The following NYAP2 variants were observed in gnomAD, a reference collection of about 807,000 sequenced individuals.
NYAP2 encodes the protein neuronal tyrosine-phosphorylated phosphoinositide-3-kinase adapter 2.
A neutral mutation model predicts 50.4 loss-of-function variants in NYAP2; 23 were observed. That is an observed-to-expected ratio of 0.46 (90% CI 0.33 to 0.65). The LOEUF (loss-of-function observed/expected upper bound fraction) is 0.65. Among genes scored for constraint, NYAP2 ranks in the 30% least tolerant of loss-of-function variants. NYAP2 has a pLI of 0.02. For synonymous variants in NYAP2, 394 were observed against 365.2 expected, an observed-to-expected ratio of 1.08 and a Z score of -0.90; for missense variants, 885 against 861.0, an observed-to-expected ratio of 1.03 and a Z score of -0.35.
chr2:225,501,256 C>T (rs1690601581), intron 3 of NYAP2, among the ~76,000 whole-genome samples: 1 of 152,182 alleles, frequency 6.6e-6, no homozygotes, highest in African/African-American at 2.4e-5. Flanking sequence ...AGCATACAAT[C>T]TAGTCTCCAG....
At chr2:225,686,679 T>C in the NYAP2 span, among the ~76,000 whole-genome samples, 1 of 152,248 alleles carries the variant, frequency 6.6e-6, no homozygotes, top group Middle Eastern at 3.4e-3. Flanking sequence ...GTGGGCAATG[T>C]ATTTTCAGTA....
chr2:225,686,981 C>G, the NYAP2 span, among the ~76,000 whole-genome samples: 1 of 152,266 alleles, frequency 6.6e-6, no homozygotes, highest in East Asian at 1.9e-4. Context: ...CTTCCCATGT[C>G]ATGGGCTATA....
intron 3 of NYAP2, among the ~76,000 whole-genome samples, chr2:225,490,183 G>T (rs1441076695): frequency 6.6e-6 from 1 of 152,106 alleles, no homozygotes; most frequent in Non-Finnish European, 1.5e-5. Context: ...AGAGCACTTT[G>T]GAAAGCACTG....
At chr2:225,423,086 T>C (rs1054877905) in intron 3 of NYAP2, among the ~76,000 whole-genome samples, 1 of 152,198 alleles carries the variant, frequency 6.6e-6, no homozygotes, top group East Asian at 1.9e-4. Context: ...AAGTATTCTA[T>C]CACTTCTTAC....
At chr2:225,564,685 T>TAAA (rs5839113) in intron 4 of NYAP2, among the ~76,000 whole-genome samples, 15 of 144,640 alleles carry the variant, frequency 1.0e-4, no homozygotes, top group African/African-American at 3.8e-4. Flanking sequence ...TGCATAAATA[T>TAAA]AAAAAAAAAA....
At chr2:225,686,003 T>C in the NYAP2 span, among the ~76,000 whole-genome samples, 1 of 152,152 alleles carries the variant, frequency 6.6e-6, no homozygotes, top group Admixed American at 6.5e-5. Flanking sequence ...TATTTTCTTG[T>C]AGTTTTACCC....
At chr2:225,545,075 G>A (rs1027775149) in intron 4 of NYAP2, among the ~76,000 whole-genome samples, 4 of 152,010 alleles carry the variant, frequency 2.6e-5, no homozygotes, top group Admixed American at 6.6e-5. Flanking sequence ...GAGCTTCATC[G>A]TATGTTATCT....
intron 4 of NYAP2, among the ~76,000 whole-genome samples, chr2:225,564,963 C>A (rs1300768103): frequency 6.6e-6 from 1 of 151,960 alleles, no homozygotes; most frequent in African/African-American, 2.4e-5. Flanking sequence ...AACCCCATCT[C>A]TACTAAAAAT....
chr2:225,490,479 T>G (rs1352518737), intron 3 of NYAP2, among the ~76,000 whole-genome samples: 1 of 152,208 alleles, frequency 6.6e-6, no homozygotes, highest in African/African-American at 2.4e-5. Flanking sequence ...TGAGAAAGAC[T>G]GGGGATTTTC....
At chr2:225,668,855 T>C in the NYAP2 span, among the ~76,000 whole-genome samples, 4 of 151,952 alleles carry the variant, frequency 2.6e-5, no homozygotes, top group Non-Finnish European at 5.9e-5. Flanking sequence ...CTCCATTCAT[T>C]TGGGCTAGAA....
At chr2:225,608,004 C>G (rs976840786) in intron 5 of NYAP2, among the ~76,000 whole-genome samples, 4 of 152,030 alleles carry the variant, frequency 2.6e-5, no homozygotes, top group African/African-American at 9.7e-5. Context: ...ATAACCTTGT[C>G]TGGTATTTCT....
intron 4 of NYAP2, among the ~76,000 whole-genome samples, chr2:225,539,726 C>A (rs532525806): frequency 1.3e-5 from 2 of 151,324 alleles, no homozygotes; most frequent in African/African-American, 4.9e-5. Context: ...TTGTGAAGTT[C>A]TTTGTAGATT....
intron 4 of NYAP2, among the ~76,000 whole-genome samples, chr2:225,522,606 G>A (rs1052590412): frequency 6.6e-6 from 1 of 152,098 alleles, no homozygotes; most frequent in Non-Finnish European, 1.5e-5. Context: ...CATTTCTCAT[G>A]CCTCCATTTA....
At chr2:225,627,095 C>T in exon 6 of NYAP2, 1 of 1,592,990 alleles carries the variant, frequency 6.3e-7, no homozygotes, top group South Asian at 1.1e-5. Flanking sequence ...GCTCTGTGAG[C>T]CCCACCTTGT....
intron 3 of NYAP2, among the ~76,000 whole-genome samples, chr2:225,457,146 G>C (rs531487807): frequency 6.6e-6 from 1 of 152,160 alleles, no homozygotes; most frequent in Non-Finnish European, 1.5e-5. Context: ...CTGGTCCTAC[G>C]CTATGCGGAG....
At chr2:225,426,411 G>A (rs1012123121) in intron 3 of NYAP2, among the ~76,000 whole-genome samples, 1 of 152,124 alleles carries the variant, frequency 6.6e-6, no homozygotes, top group Non-Finnish European at 1.5e-5. Flanking sequence ...AAGTCAGTGT[G>A]AACTCTTATC....
intron 3 of NYAP2, among the ~76,000 whole-genome samples, chr2:225,482,195 C>T (rs189488062): frequency 2.1e-4 from 32 of 152,222 alleles, no homozygotes; most frequent in Non-Finnish European, 1.3e-4. Context: ...TGCGATTTTA[C>T]AGAAAGCTCC....
the NYAP2 span, among the ~76,000 whole-genome samples, chr2:225,670,210 A>G: frequency 2.0e-5 from 3 of 152,142 alleles, no homozygotes; most frequent in Non-Finnish European, 4.4e-5. Context: ...AATAAAAAGG[A>G]TAACAGCCAT....
rs536367518 is a variant in NYAP2, at chr2:225,606,335, G to T, written c.1619-20582G>T. Among the ~76,000 whole-genome samples, 4 of 152,152 alleles carry T rather than the reference G, an allele frequency of 2.6e-5. No homozygotes were observed. In the East Asian group the frequency reaches 7.7e-4, roughly 29 times the overall value. On this transcript the variant is annotated intron_variant, in intron 5 of 6. Coordinates refer to ENST00000636099, the Ensembl canonical transcript of NYAP2. ...CCAAATTGCTGGTATAAATTTATGC[G>T]CTACATTATTAGTACCAATTTTATT...
Sources: gnomAD v4.1 joint callset for allele counts (sites outside exome capture counted in the v4.1 genomes callset) on GRCh38, gnomAD v4.1.1 for gene constraint, MANE v1.5 for transcripts, NCBI Gene and HGNC (gene_info 2026-07-23, HGNC 2026-07-21) for gene names.